FBXL18: variants seen among roughly 807,000 people sequenced by gnomAD.
FBXL18 encodes F-box/LRR-repeat protein 18.
In FBXL18, 36 loss-of-function variants were observed where a neutral mutation model predicts 46.0. That is an observed-to-expected ratio of 0.78 (90% CI 0.60 to 1.03). The LOEUF (loss-of-function observed/expected upper bound fraction) is 1.03, where lower values mean the gene tolerates loss of function less well. Ranked by LOEUF, FBXL18 falls within the 50% of genes least tolerant of loss-of-function variation. The pLI is 0.00. For synonymous variants in FBXL18, 557 were observed against 465.3 expected, an observed-to-expected ratio of 1.20 and a Z score of -2.54; for missense variants, 977 against 1,004.1, an observed-to-expected ratio of 0.97 and a Z score of 0.36.
Position 5,492,547 on chromosome 7 carries a change from C to T in FBXL18, c.1782-1098G>A, listed in dbSNP as rs187346284. On this transcript the variant is annotated intron_variant, in intron 3 of 4. Coordinates refer to ENST00000382368, the MANE Select transcript of FBXL18 (RefSeq NM_024963.6). ...TGTGGACTGAGCTGCGACGCCCCCC[C>T]ACACACACACTATGCAGGAGTCCTC... 3.9e-3 allele frequency among the ~76,000 whole-genome samples: 598 copies of T among 152,050 alleles called. 3 individuals carry two copies. The highest frequency in any genetic ancestry group is 0.014 in the African/African-American group (567 of 41,502).
Position 5,478,630 on chromosome 7 carries a change from C to G in FBXL18, c.*3145G>C, listed in dbSNP as rs1243128627. The G allele has an allele frequency of 6.6e-6, 1 of 152,398 alleles. No homozygotes were observed. Among genetic ancestry groups the G allele is most frequent in the Non-Finnish European group, 1.5e-5 (1 of 68,148 alleles). 9.4% of individuals were successfully genotyped at this position (152,398 alleles called of 1,614,324 possible). ...AAGAACAAAGGGATACATACCCTTT[C>G]CCCTCCTCCCTCCCTCCAACCCCAC... On this transcript the variant is annotated 3_prime_UTR_variant, in exon 5 of 5. Transcript: ENST00000382368.
At chr7:5,471,209 C>T (rs539046748), downstream of FBXL18, among the ~76,000 whole-genome samples, 1 of 152,332 alleles carries the variant, frequency 6.6e-6, no homozygotes, top group African/African-American at 2.4e-5. Context: ...CTCCTGGGGG[C>T]AGCCAAAGCC....
At chr7:5,498,582 C>A (rs557480150) in intron 3 of FBXL18, among the ~76,000 whole-genome samples, 74 of 151,384 alleles carry the variant, frequency 4.9e-4, no homozygotes, top group Admixed American at 2.4e-3. Context: ...CTTTTCTTTG[C>A]TTTTCTTTTT....
rs767404348 is a variant in FBXL18 at position 5,491,275 on chromosome 7, C to G, written c.1956G>C (p.Glu652Asp). 6.2e-7 allele frequency: 1 copy of G among 1,613,254 alleles called. No individual in the cohort carries two copies. The highest frequency in any genetic ancestry group is 1.7e-5 in the Admixed American group (1 of 59,958). The change falls in exon 4 of 5, where the codon GAG becomes GAC. Residue 652 changes from glutamate (E) to aspartate (D), a missense_variant. Coordinates refer to ENST00000382368, the MANE Select transcript of FBXL18 (RefSeq NM_024963.6). ...QVVMCHLFTG[E>D]SLATCKSLQQ... ...GCAGGCTCTTGCAGGTGGCGAGGGACTCCCCGGTGAACAGGTGGCACATGA... is the reference window on the plus strand; with the variant it reads ...GCAGGCTCTTGCAGGTGGCGAGGGAGTCCCCGGTGAACAGGTGGCACATGA...
intron 4 of FBXL18, among the ~76,000 whole-genome samples, chr7:5,460,016 T>A (rs189970363): frequency 6.6e-6 from 1 of 152,016 alleles, no homozygotes; most frequent in African/African-American, 2.4e-5. Flanking sequence ...TCCCAACACT[T>A]TGGGAGGCTG....
At position 5,481,032 on chromosome 7, in the gene FBXL18, G is replaced by C. The variant is rs10281893; in HGVS notation, c.*743C>G. On this transcript the variant is annotated 3_prime_UTR_variant, in exon 5 of 5. Coordinates refer to ENST00000382368, the MANE Select transcript of FBXL18 (RefSeq NM_024963.6). ...GACCTTCCCAGGGAAGCTGAAGGCC[G>C]TGGGGTGGGTGGGAGGGGGAGGAGG... 1 of 148,816 alleles carries C rather than the reference G, an allele frequency of 6.7e-6. No individual in the cohort carries two copies. Among genetic ancestry groups the C allele is most frequent in the Non-Finnish European group, 1.5e-5 (1 of 67,308 alleles). The allele number at this position is 148,816 out of a possible 1,614,324, so 9.2% of individuals were successfully genotyped here. A position where few individuals can be genotyped will look rare whatever the true frequency, so the allele number is the denominator to read the frequency against.
intron 4 of FBXL18, among the ~76,000 whole-genome samples, chr7:5,482,292 G>A (rs1220293833): frequency 1.3e-5 from 2 of 152,168 alleles, no homozygotes; most frequent in East Asian, 1.9e-4. Context: ...TGGCAGATCC[G>A]AGGCCCCTGG....
intron 3 of FBXL18, among the ~76,000 whole-genome samples, chr7:5,493,277 G>A (rs1783977470): frequency 6.6e-6 from 1 of 152,210 alleles, no homozygotes; most frequent in South Asian, 2.1e-4. Flanking sequence ...CGAGGCTGCA[G>A]TGAGCTAGGA....
Position 5,481,335 on chromosome 7 carries a change from GA to G in FBXL18, c.*439del, listed in dbSNP as rs933261746. On this transcript the variant is annotated 3_prime_UTR_variant, in exon 5 of 5. Coordinates refer to ENST00000382368, the MANE Select transcript of FBXL18 (RefSeq NM_024963.6). ...AGCCCGGCCGACTGGACTTCAGGGG[GA>G]CAGCATGTGGCCGCCCATCCACGGG... 11 of 175,712 alleles carry G rather than the reference GA, an allele frequency of 6.3e-5. No individual in the cohort carries two copies. Among genetic ancestry groups the G allele is most frequent in the Non-Finnish European group, 1.2e-4 (10 of 80,730 alleles). The allele number at this position is 175,712 out of a possible 1,614,324, so 10.9% of individuals were successfully genotyped here. A position where few individuals can be genotyped will look rare whatever the true frequency, so the allele number is the denominator to read the frequency against.
At chr7:5,495,735 C>A (rs1584225330) in intron 3 of FBXL18, 1 of 463,982 alleles carries the variant, frequency 2.2e-6, no homozygotes. Flanking sequence ...CAGCTCCTGC[C>A]CACGGGCAAG....
At chr7:5,472,640 A>G (rs4527789), downstream of FBXL18, among the ~76,000 whole-genome samples, 139,285 of 152,146 alleles carry the variant, frequency 0.92, 63,867 homozygotes, top group African/African-American at 0.96. Flanking sequence ...TTCTGGCCAC[A>G]GGCCCCACTG....
chr7:5,464,561 G>C (rs1783313337), intron 4 of FBXL18, among the ~76,000 whole-genome samples: 1 of 150,940 alleles, frequency 6.6e-6, no homozygotes, highest in South Asian at 2.1e-4. Context: ...TACTTGGGAG[G>C]CTGGGGCAGA....
At chr7:5,498,138 C>T (rs1319625838) in intron 3 of FBXL18, among the ~76,000 whole-genome samples, 2 of 146,904 alleles carry the variant, frequency 1.4e-5, no homozygotes, top group Admixed American at 6.9e-5. Context: ...TGGAGTGCAG[C>T]GGCCAGTGGC....
intron 3 of FBXL18, among the ~76,000 whole-genome samples, chr7:5,491,907 C>T (rs1028310755): frequency 7.9e-5 from 12 of 151,718 alleles, no homozygotes; most frequent in Non-Finnish European, 1.3e-4. Context: ...TGAGAGAGGG[C>T]GGTAATCCGG....
rs369471731 is a variant in FBXL18, at chr7:5,491,314, G to A, written c.1917C>T (p.Arg639=). ...GGTGGCACATGACAACCTGCAGGCA[G>A]CGAGCCATGAAGGCCAGCACGGCAT... The part of the protein sequence containing the change: ...QPDAVLAFMA[R]CLQVVMCHLF... Residue 639 remains arginine (R), a synonymous_variant, in exon 4 of 5, where the codon CGC becomes CGT. Coordinates refer to ENST00000382368, the MANE Select transcript of FBXL18 (RefSeq NM_024963.6). 2.6e-5 allele frequency: 42 copies of A among 1,612,080 alleles called. No homozygotes were observed. Among genetic ancestry groups the A allele is most frequent in the Non-Finnish European group, 3.2e-5 (38 of 1,179,696 alleles).
chr7:5,491,355 C>T lies in FBXL18; in HGVS notation c.1876G>A (p.Gly626Ser), dbSNP rs1220339716. 28 of 1,610,494 alleles carry T rather than the reference C, an allele frequency of 1.7e-5. No homozygotes were observed. Among genetic ancestry groups the T allele is most frequent in the South Asian group, 4.4e-5 (4 of 90,532 alleles). Residue 626 changes from glycine to serine, a missense_variant, in exon 4 of 5, where the codon GGC becomes AGC. Gly to Ser is a moderately conservative substitution (Grantham distance 56). Coordinates refer to ENST00000382368, the MANE Select transcript of FBXL18 (RefSeq NM_024963.6). The stretch of plus-strand genomic sequence containing the variant: ...AGCACGGCATCGGGCTGGAGGGTGC[C>T]GCTGCGAGAGACCAGGCACAGGCGC... ...LQRLCLVSRS[G>S]TLQPDAVLAF...
downstream of FBXL18, among the ~76,000 whole-genome samples, chr7:5,475,629 G>T (rs968474487): frequency 6.6e-6 from 1 of 152,108 alleles, no homozygotes; most frequent in East Asian, 1.9e-4. This position sits in a 1 kb window ranked among gnomAD's most constrained non-coding sequence, Gnocchi z 4.2. Context: ...CCCCCGCTTT[G>T]GGTCTTGTGT....
intron 1 of FBXL18, among the ~76,000 whole-genome samples, chr7:5,508,246 C>A (rs1480149407): frequency 1.4e-5 from 2 of 141,260 alleles, no homozygotes; most frequent in African/African-American, 2.7e-5. Flanking sequence ...AGCCTGGTGA[C>A]AGAGCAAGAC....
chr7:5,511,177 C>T (rs1784521362), intron 1 of FBXL18, among the ~76,000 whole-genome samples: 3 of 152,294 alleles, frequency 2.0e-5, no homozygotes, highest in Non-Finnish European at 2.9e-5. Context: ...TGGCTCACGC[C>T]TGTAATCCCA....
Sources: gnomAD v4.1 joint callset for allele counts (sites outside exome capture counted in the v4.1 genomes callset) on GRCh38, gnomAD v4.1.1 for gene constraint, Gnocchi (gnomAD v3.1) non-coding constraint, MANE v1.5 for transcripts, NCBI Gene and HGNC (gene_info 2026-07-23, HGNC 2026-07-21) for gene names.